DGKB: variants seen among roughly 807,000 people sequenced by gnomAD.
The protein encoded by DGKB is 90 kDa diacylglycerol kinase.
In DGKB, 67 loss-of-function variants were observed where a neutral mutation model predicts 114.3. That is an observed-to-expected ratio of 0.59 (90% CI 0.48 to 0.72). The LOEUF (loss-of-function observed/expected upper bound fraction) is 0.72. Among genes scored for constraint, DGKB ranks in the 30% least tolerant of loss-of-function variants. DGKB has a pLI of 0.00. For missense variants in DGKB, 907 were observed against 975.2 expected (o/e 0.93, Z 0.93); for synonymous variants, 398 against 323.1 (o/e 1.23, Z -2.49).
Position 14,645,946 on chromosome 7 carries a change from C to A in DGKB, c.1135-15678G>T, listed in dbSNP as rs557192760. On this transcript the variant is annotated intron_variant, in intron 13 of 25. Coordinates refer to ENST00000402815, the MANE Select transcript of DGKB (RefSeq NM_001350709.2). ...AAAACAAGCAAACTGCAAAAAATAA[C>A]TTAAGAGAGAAAGAGAGAAACAAAA... 1.8e-4 allele frequency among the ~76,000 whole-genome samples: 28 copies of A among 152,112 alleles called. No homozygotes were observed. In the South Asian group the frequency reaches 5.8e-3, roughly 32 times the overall value.
chr7:14,352,790 G>C (rs996175465), intron 21 of DGKB, among the ~76,000 whole-genome samples: 3 of 152,060 alleles, frequency 2.0e-5, no homozygotes, highest in Non-Finnish European at 4.4e-5. Flanking sequence ...CAGCGTGGTG[G>C]CGCGTGCCTA....
chr7:14,518,823 T>G (rs997389474), intron 20 of DGKB, among the ~76,000 whole-genome samples: 1 of 152,196 alleles, frequency 6.6e-6, no homozygotes, highest in Admixed American at 6.6e-5. Context: ...TCTTCAATTT[T>G]AGCACATACC....
intron 20 of DGKB, among the ~76,000 whole-genome samples, chr7:14,502,847 G>A (rs1786417154): frequency 6.6e-6 from 1 of 151,982 alleles, no homozygotes; most frequent in Admixed American, 6.6e-5. Context: ...TATCTCCTTT[G>A]AAATAAACAT....
intron 2 of DGKB, among the ~76,000 whole-genome samples, chr7:14,798,141 A>T (rs1841663922): frequency 1.3e-5 from 2 of 152,132 alleles, no homozygotes; most frequent in South Asian, 4.1e-4. Flanking sequence ...GAAGGGAGCA[A>T]TCAAGAGAGA....
intron 21 of DGKB, among the ~76,000 whole-genome samples, chr7:14,397,732 T>C (rs1822463699): frequency 6.6e-6 from 1 of 151,942 alleles, no homozygotes; most frequent in South Asian, 2.1e-4. Context: ...TTCATGTTGC[T>C]TCTCTTGTAC....
At chr7:14,243,470 A>T (rs2128370973) in intron 23 of DGKB, among the ~76,000 whole-genome samples, 1 of 152,354 alleles carries the variant, frequency 6.6e-6, no homozygotes, top group South Asian at 2.1e-4. Flanking sequence ...GATAATGAAT[A>T]ACTAATTCAA....
intron 23 of DGKB, among the ~76,000 whole-genome samples, chr7:14,205,479 A>G (rs1030690870): frequency 2.0e-5 from 3 of 151,946 alleles, no homozygotes; most frequent in Admixed American, 1.3e-4. Flanking sequence ...AGAGGGTTGA[A>G]TCTGGTTCAC....
chr7:14,413,104 T>G (rs1308077856), intron 21 of DGKB, among the ~76,000 whole-genome samples: 2 of 152,058 alleles, frequency 1.3e-5, no homozygotes, highest in African/African-American at 4.8e-5. Flanking sequence ...ATTTAGGAGC[T>G]ACTTACAGGG....
At chr7:14,685,108 T>C (rs1444055607) in intron 10 of DGKB, 137 bp downstream of exon 10, 2 of 486,000 alleles carry the variant, frequency 4.1e-6, no homozygotes, top group Non-Finnish European at 3.6e-6. Flanking sequence ...AAAAACACAC[T>C]ACAGGAAAAT....
intron 2 of DGKB, among the ~76,000 whole-genome samples, chr7:14,820,803 GT>G (rs1266153740): frequency 3.9e-5 from 6 of 152,142 alleles, no homozygotes; most frequent in Non-Finnish European, 8.8e-5. Flanking sequence ...AACATAGTGT[GT>G]TTTCTCAGAG....
intron 13 of DGKB, among the ~76,000 whole-genome samples, chr7:14,661,778 C>G (rs1467170695): frequency 9.9e-5 from 15 of 151,802 alleles, no homozygotes; most frequent in Non-Finnish European, 1.8e-4. Flanking sequence ...CGGCATTATT[C>G]ACAATAGCAA....
chr7:14,931,203 C>T (rs562158032), intron 1 of DGKB, among the ~76,000 whole-genome samples: 1 of 151,802 alleles, frequency 6.6e-6, no homozygotes, highest in Non-Finnish European at 1.5e-5. Flanking sequence ...CCTCCGCCTC[C>T]TGAGTTCAAG....
chr7:14,630,934 G>C (rs1474802798), intron 13 of DGKB, among the ~76,000 whole-genome samples: 5 of 150,954 alleles, frequency 3.3e-5, no homozygotes, highest in Non-Finnish European at 5.9e-5. Flanking sequence ...ATGATAAAAG[G>C]TCACTGAATT....
At chr7:14,810,073 T>C (rs772794141) in intron 2 of DGKB, among the ~76,000 whole-genome samples, 3 of 152,226 alleles carry the variant, frequency 2.0e-5, no homozygotes, top group Admixed American at 6.5e-5. Context: ...CTTTAATTTA[T>C]CTAAGTTTTT....
intron 21 of DGKB, among the ~76,000 whole-genome samples, chr7:14,400,260 C>T (rs1239083284): frequency 6.6e-6 from 1 of 151,810 alleles, no homozygotes; most frequent in Non-Finnish European, 1.5e-5. Context: ...GACTTCCTTA[C>T]ATTATGTTTA....
intron 21 of DGKB, among the ~76,000 whole-genome samples, chr7:14,369,619 GGCA>G (rs1817286515): frequency 6.6e-6 from 1 of 152,162 alleles, no homozygotes; most frequent in Non-Finnish European, 1.5e-5. Context: ...CATTCTAACT[GGCA>G]TGAGATGGTA....
chr7:14,176,627 A>G, intron 25 of DGKB: 2 of 1,295,944 alleles, frequency 1.5e-6, no homozygotes, highest in East Asian at 2.9e-5. Flanking sequence ...TTAGGCTAAC[A>G]CAAACATTCA....
intron 9 of DGKB, 100 bp from the exon 10 acceptor site, chr7:14,685,462 C>T (rs780023930): frequency 4.8e-6 from 4 of 830,332 alleles, no homozygotes; most frequent in Non-Finnish European, 7.8e-6. Flanking sequence ...CATGTGAAGA[C>T]AATCTGTTAT....
intron 23 of DGKB, among the ~76,000 whole-genome samples, chr7:14,313,420 A>G (rs536647740): frequency 6.6e-6 from 1 of 151,754 alleles, no homozygotes; most frequent in Admixed American, 6.6e-5. Context: ...GTGTGCGCAC[A>G]GTGCGCGAGC....
Sources: allele counts gnomAD v4.1 joint callset (sites outside exome capture counted in the v4.1 genomes callset), GRCh38; gene constraint gnomAD v4.1.1; transcripts MANE v1.5; gene names NCBI Gene and HGNC (gene_info 2026-07-23, HGNC 2026-07-21).